NCOR2: variants seen among roughly 807,000 people sequenced by gnomAD.
NCOR2 encodes CTG repeat protein 26.
A neutral mutation model predicts 262.9 loss-of-function variants in NCOR2; 81 were observed. That is an observed-to-expected ratio of 0.31 (90% CI 0.26 to 0.37). The LOEUF (loss-of-function observed/expected upper bound fraction) is 0.37, where lower values mean the gene tolerates loss of function less well. Ranked by LOEUF, NCOR2 falls within the 10% of genes least tolerant of loss-of-function variation. The pLI is 1.00. For synonymous variants in NCOR2, 1,659 were observed against 1,559.3 expected (o/e 1.06, Z -1.51); for missense variants, 3,385 against 3,621.4 (o/e 0.93, Z 1.68).
chr12:124,379,548 G>A (rs559393099), intron 17 of NCOR2, among the ~76,000 whole-genome samples: 292 of 152,168 alleles, frequency 1.9e-3, no homozygotes, highest in Non-Finnish European at 3.4e-3. Flanking sequence ...AAGACACTGG[G>A]GGGTGCCCAC....
At chr12:124,539,764 C>G (rs944611808), upstream of NCOR2, 3 of 152,370 alleles carry the variant, frequency 2.0e-5, no homozygotes, top group African/African-American at 4.8e-5. The surrounding 1 kb of genome is among the most constrained non-coding windows in gnomAD (Gnocchi z 5.1). Flanking sequence ...TTACCCTCAA[C>G]TCTACCAAAC....
At chr12:124,497,048 C>T (rs182704842), upstream of NCOR2, among the ~76,000 whole-genome samples, 2 of 152,308 alleles carry the variant, frequency 1.3e-5, no homozygotes, top group East Asian at 1.9e-4. The surrounding 1 kb of genome is among the most constrained non-coding windows in gnomAD (Gnocchi z 4.2). Context: ...GGAGGCAGGT[C>T]GAAGCCTGCT....
At chr12:124,345,562 C>T (rs894958039) in intron 31 of NCOR2, among the ~76,000 whole-genome samples, 6 of 152,202 alleles carry the variant, frequency 3.9e-5, no homozygotes, top group Non-Finnish European at 7.3e-5. Flanking sequence ...GACTTTAGGG[C>T]TTTGCAAGCA....
chr12:124,367,745 G>A (rs1046477766), intron 20 of NCOR2, among the ~76,000 whole-genome samples: 2 of 152,178 alleles, frequency 1.3e-5, no homozygotes, highest in African/African-American at 4.8e-5. Flanking sequence ...TGATCCTCCT[G>A]CCTCAGTCTC....
chr12:124,402,512 G>GGCTGCTGCTGCTGCTGCTGCTGCT (rs35831183), exon 14 of NCOR2: 150 of 1,459,464 alleles, frequency 1.0e-4, no homozygotes, highest in Middle Eastern at 1.9e-4. Context: ...GCGGGGCATG[G>GGCTGCTGCTGCTGCTGCTGCTGCT]GCTGCTGCTG....
chr12:124,478,834 T>C (rs919274805), intron 3 of NCOR2, among the ~76,000 whole-genome samples: 4 of 150,124 alleles, frequency 2.7e-5, no homozygotes, highest in African/African-American at 9.9e-5. Flanking sequence ...CAGAAAGAGA[T>C]AGAGATAGAG....
rs377359116 is a variant in NCOR2, at chr12:124,423,848, C to T, written c.1329-1293G>A. The stretch of plus-strand genomic sequence containing the variant: ...GCATACCTCACAAGGGAGGCCCTGT[C>T]GCTATACCCATTTTACAGACGAGGA... On this transcript the variant is annotated intron_variant, in intron 11 of 46. Coordinates refer to ENST00000405201, the Ensembl canonical transcript of NCOR2. 3.9e-5 allele frequency among the ~76,000 whole-genome samples: 6 copies of T among 152,336 alleles called. No homozygotes were observed. The South Asian group carries it at 8.3e-4, about 21-fold the overall frequency.
Position 124,343,235 on chromosome 12 carries a change from G to A in NCOR2, c.4715-9C>T, listed in dbSNP as rs374129706. On this transcript the variant is annotated splice_polypyrimidine_tract_variant and intron_variant, in intron 32 of 46. Transcript: ENST00000405201. ...GCTGGACGAAAGGCTGCCTGTGGAC[G>A]GGCAAGGTGGATGCATCGGGCCTCT... 12 of 1,605,810 alleles carry A rather than the reference G, an allele frequency of 7.5e-6. No homozygotes were observed. Among genetic ancestry groups the A allele is most frequent in the African/African-American group, 2.7e-5 (2 of 74,792 alleles).
chr12:124,335,008 GCGCCATGCCCTGGATCCCC>G, intron 40 of NCOR2, 108 bp downstream of exon 42: 1 of 1,435,024 alleles, frequency 7.0e-7, no homozygotes. Flanking sequence ...GATCCCCCCA[GCGCCATGCCCTGGATCCCC>G]CAGCCACCCC....
intron 13 of NCOR2, among the ~76,000 whole-genome samples, chr12:124,414,876 G>A (rs1039040736): frequency 3.3e-5 from 5 of 152,214 alleles, no homozygotes; most frequent in Admixed American, 3.3e-4. Flanking sequence ...ATGGACAAGT[G>A]TCCTGGGGCA....
In NCOR2 at chr12:124,457,922, A is replaced by T. The variant is rs527661261; in HGVS notation, c.706-760T>A. On this transcript the variant is annotated intron_variant, in intron 5 of 46. Transcript: ENST00000405201. The surrounding 1 kb of genome is among the most constrained non-coding windows in gnomAD (Gnocchi z 4.0). ...GGAGGGCAGCCCAGGCCAGCCGGGT[A>T]CAGGGAGGTGGGGGGCGGAGGGGCT... 1.1e-4 allele frequency among the ~76,000 whole-genome samples: 17 copies of T among 152,122 alleles called. No individual in the cohort carries two copies. The South Asian group carries it at 3.5e-3, about 32-fold the overall frequency.
At chr12:124,380,077 G>C (rs993406891) in intron 17 of NCOR2, among the ~76,000 whole-genome samples, 5 of 152,248 alleles carry the variant, frequency 3.3e-5, no homozygotes, top group Admixed American at 2.0e-4. Context: ...GCGGCAGCCA[G>C]GGGGAATCAC....
intron 1 of NCOR2, among the ~76,000 whole-genome samples, chr12:124,553,420 C>T (rs1168823072): frequency 6.6e-6 from 1 of 152,150 alleles, no homozygotes; most frequent in Non-Finnish European, 1.5e-5. Context: ...GCTTCAAAAA[C>T]AAAAATCTTT....
intron 1 of NCOR2, among the ~76,000 whole-genome samples, chr12:124,547,204 G>A: frequency 6.6e-6 from 1 of 151,944 alleles, no homozygotes; most frequent in Non-Finnish European, 1.5e-5. Flanking sequence ...TGTTGGCCAG[G>A]CTGGTCTCGA....
At chr12:124,470,571 T>C (rs1367792382) in intron 4 of NCOR2, among the ~76,000 whole-genome samples, 2 of 152,152 alleles carry the variant, frequency 1.3e-5, no homozygotes, top group East Asian at 1.9e-4. Flanking sequence ...CATGACACTA[T>C]GTGGAAGAAG....
At chr12:124,349,987 G>A (rs1042645279) in intron 28 of NCOR2, among the ~76,000 whole-genome samples, 20 of 152,176 alleles carry the variant, frequency 1.3e-4, no homozygotes, top group Admixed American at 2.0e-4. Flanking sequence ...GGGCACAGGC[G>A]GAAGTGGATG....
chr12:124,466,899 A>G (rs1422868341), intron 4 of NCOR2, among the ~76,000 whole-genome samples: 3 of 151,914 alleles, frequency 2.0e-5, no homozygotes, highest in Non-Finnish European at 4.4e-5. Context: ...AAATGAGCTC[A>G]TGATGCGTGC....
intron 1 of NCOR2, among the ~76,000 whole-genome samples, chr12:124,491,888 G>C (rs530400330): frequency 6.6e-6 from 1 of 152,332 alleles, no homozygotes; most frequent in African/African-American, 2.4e-5. Flanking sequence ...AGGATGGAGA[G>C]AATGAGGCAC....
At chr12:124,406,900 C>T (rs532232841) in intron 13 of NCOR2, among the ~76,000 whole-genome samples, 12 of 152,340 alleles carry the variant, frequency 7.9e-5, no homozygotes, top group African/African-American at 1.9e-4. Context: ...AGCAAAAGCT[C>T]GCTGAGCACA....
Sources: gnomAD v4.1 joint callset for allele counts (sites outside exome capture counted in the v4.1 genomes callset) on GRCh38, gnomAD v4.1.1 for gene constraint, Gnocchi (gnomAD v3.1) non-coding constraint, MANE v1.5 for transcripts, NCBI Gene and HGNC (gene_info 2026-07-23, HGNC 2026-07-21) for gene names.